TMEM9: variants seen among roughly 807,000 people sequenced by gnomAD.
TMEM9 encodes proton-transporting V-type ATPase complex assembly regulator TMEM9.
In TMEM9, 13 loss-of-function variants were observed where a neutral mutation model predicts 22.8. That is an observed-to-expected ratio of 0.57 (90% CI 0.37 to 0.91). The LOEUF is 0.91. Among genes scored for constraint, TMEM9 ranks in the 40% least tolerant of loss-of-function variants. TMEM9 has a pLI of 0.01. For missense variants in TMEM9, 182 were observed against 238.1 expected (o/e 0.76, Z 1.55); for synonymous variants, 88 against 93.0 (o/e 0.95, Z 0.31).
At chr1:201,154,480 T>TCCCCGCCCTCTCC (rs1166148111), upstream of TMEM9, 1 of 155,414 alleles carries the variant, frequency 6.4e-6, no homozygotes, top group Non-Finnish European at 1.4e-5. Context: ...GACCCAGTTG[T>TCCCCGCCCTCTCC]CCCCGCCCTC....
rs1428945437 is a variant in TMEM9, at chr1:201,151,869, AT to A, written c.67-18del. The A allele has an allele frequency of 1.2e-6, 2 of 1,604,116 alleles. No homozygotes were observed. The highest frequency in any genetic ancestry group is 1.7e-6 in the Non-Finnish European group (2 of 1,172,246). On this transcript the variant is annotated intron_variant, in intron 1 of 4. Transcript: ENST00000367330. The stretch of plus-strand genomic sequence containing the variant: ...TTCAGAACTCTGGAAAAGAAAGCAC[AT>A]GTCAAGTATGCAGAGACCCTGCCTG...
intron 1 of TMEM9, among the ~76,000 whole-genome samples, chr1:201,163,581 T>C (rs969551889): frequency 7.9e-5 from 12 of 151,864 alleles, no homozygotes; most frequent in Non-Finnish European, 1.6e-4. Flanking sequence ...CGGAGTGAGA[T>C]TACGTCTCAA....
At chr1:201,147,411 A>C (rs1665066893) in intron 2 of TMEM9, among the ~76,000 whole-genome samples, 1 of 152,170 alleles carries the variant, frequency 6.6e-6, no homozygotes, top group Non-Finnish European at 1.5e-5. Context: ...CAAACCCTGG[A>C]AATCATCTTT....
At chr1:201,137,135 C>T (rs1240986416) in intron 4 of TMEM9, among the ~76,000 whole-genome samples, 1 of 152,250 alleles carries the variant, frequency 6.6e-6, no homozygotes, top group East Asian at 1.9e-4. Flanking sequence ...CTTCCTGTGC[C>T]AGGCTAGGTG....
chr1:201,151,406 T>A lies in TMEM9; in HGVS notation c.158+355A>T, dbSNP rs113469909. On this transcript the variant is annotated intron_variant, in intron 2 of 4. Transcript: ENST00000367330. ...TAAGACTGGCACAGAATAACACATG[T>A]AACACAGCTTTGCAAAAGCATTAGG... Among the ~76,000 whole-genome samples, 576 of 152,344 alleles carry A rather than the reference T, an allele frequency of 3.8e-3. 6 individuals are homozygous for A. The highest frequency in any genetic ancestry group is 0.013 in the African/African-American group (556 of 41,572).
chr1:201,169,570 G>T (rs1459806944), intron 1 of TMEM9, among the ~76,000 whole-genome samples: 1 of 152,164 alleles, frequency 6.6e-6, no homozygotes, highest in African/African-American at 2.4e-5. Flanking sequence ...GTAGGAAATG[G>T]AACATTGTCC....
rs113872228 is a variant in TMEM9 at position 201,152,082 on chromosome 1, A to G, written c.67-230T>C. Among the ~76,000 whole-genome samples the G allele has an allele frequency of 3.8e-3, 577 of 152,236 alleles. 6 individuals are homozygous for G. Among genetic ancestry groups the G allele is most frequent in the African/African-American group, 0.013 (557 of 41,544 alleles). On this transcript the variant is annotated intron_variant, in intron 1 of 4. Coordinates refer to ENST00000367330, the MANE Select transcript of TMEM9 (RefSeq NM_001288565.2). ...GAAAAATGTCCAGATGGCAAATGAG[A>G]CTCACAGAAAGTTGTCTAGGCCTGC...
In TMEM9 at chr1:201,135,687, G is replaced by A. The variant is rs770508952; in HGVS notation, c.528C>T (p.Phe176=). 4.0e-5 allele frequency: 65 copies of A among 1,613,062 alleles called. No homozygotes were observed. The highest frequency in any genetic ancestry group is 3.3e-4 in the Middle Eastern group (2 of 6,078). The change falls in exon 5 of 5, where the codon TTC becomes TTT. Residue 176 remains phenylalanine, a synonymous_variant. Transcript: ENST00000367330. ...TCTAGCTGAGCATCTTGTGCCGATC[G>A]AAGACTGTCTTCCGCTGCTCCTGCA... ...LQVQEQRKTV[F]DRHKMLS
chr1:201,137,582 C>T (rs1413985356), intron 4 of TMEM9, among the ~76,000 whole-genome samples: 1 of 151,790 alleles, frequency 6.6e-6, no homozygotes, highest in Admixed American at 6.6e-5. Flanking sequence ...TGCTCTGTTC[C>T]ATTCCATTTT....
intron 2 of TMEM9, 29 bp from the exon 3 acceptor site, chr1:201,146,877 G>C: frequency 6.2e-7 from 1 of 1,607,832 alleles, no homozygotes; most frequent in Non-Finnish European, 8.5e-7. Flanking sequence ...GGGCTGTCGA[G>C]GCAGGGCCAC....
chr1:201,151,826 G>A lies in TMEM9; in HGVS notation c.93C>T (p.Cys31=), dbSNP rs1333086982. 6.2e-7 allele frequency: 1 copy of A among 1,613,772 alleles called. No individual in the cohort carries two copies. Among genetic ancestry groups the A allele is most frequent in the Admixed American group, 1.7e-5 (1 of 60,022 alleles). ...TGATGTTTCTATAAGGTGGACAGAT[G>A]CATTTGCACCGGATATCTTCAGAAC... ...NKSSEDIRCK[C]ICPPYRNISG... The change falls in exon 2 of 5, where the codon TGC becomes TGT. Residue 31 remains cysteine (C), a synonymous_variant. Coordinates refer to ENST00000367330, the MANE Select transcript of TMEM9 (RefSeq NM_001288565.2).
chr1:201,161,958 G>A (rs1041703067), intron 1 of TMEM9, among the ~76,000 whole-genome samples: 1 of 152,118 alleles, frequency 6.6e-6, no homozygotes, highest in African/African-American at 2.4e-5. Context: ...TAGATAAGGG[G>A]CATTTTTGCT....
chr1:201,146,489 T>C, intron 3 of TMEM9: 1 of 580,468 alleles, frequency 1.7e-6, no homozygotes, highest in East Asian at 2.9e-5. Flanking sequence ...GAAAAAGGAG[T>C]CTCCAGCAGC....
intron 1 of TMEM9, among the ~76,000 whole-genome samples, chr1:201,168,552 C>T (rs1666135744): frequency 6.6e-6 from 1 of 152,140 alleles, no homozygotes; most frequent in Non-Finnish European, 1.5e-5. Flanking sequence ...AACCCCGTTT[C>T]TACTAAAAAT....
intron 1 of TMEM9, among the ~76,000 whole-genome samples, chr1:201,165,918 C>T (rs114271432): frequency 0.013 from 1,996 of 152,254 alleles, 46 homozygotes; most frequent in African/African-American, 0.044. Flanking sequence ...AAAGCAGATA[C>T]GCTGTAAGTC....
upstream of TMEM9, among the ~76,000 whole-genome samples, chr1:201,158,838 G>T (rs967458114): frequency 6.6e-6 from 1 of 152,142 alleles, no homozygotes; most frequent in African/African-American, 2.4e-5. Flanking sequence ...CCTAAAATCA[G>T]TTTGACTTTA....
chr1:201,135,074 C>T lies in TMEM9; in HGVS notation c.*589G>A, dbSNP rs180701068. ...TCCATGCCCCAGTGCGAGAAGTGCACAGGGGACAGCGAACACCAGCTTCCA... is the reference window on the plus strand; with the variant it reads ...TCCATGCCCCAGTGCGAGAAGTGCATAGGGGACAGCGAACACCAGCTTCCA... On this transcript the variant is annotated 3_prime_UTR_variant, in exon 5 of 5. Coordinates refer to ENST00000367330, the MANE Select transcript of TMEM9 (RefSeq NM_001288565.2). 3 of 152,986 alleles carry T rather than the reference C, an allele frequency of 2.0e-5. No individual in the cohort carries two copies. The East Asian group carries it at 5.8e-4, about 29-fold the overall frequency. The allele number at this position is 152,986 out of a possible 1,614,324, so 9.5% of individuals were successfully genotyped here. A position where few individuals can be genotyped will look rare whatever the true frequency, so the allele number is the denominator to read the frequency against.
At chr1:201,155,857 T>G (rs1665776658), upstream of TMEM9, among the ~76,000 whole-genome samples, 5 of 152,198 alleles carry the variant, frequency 3.3e-5, no homozygotes, top group South Asian at 1.0e-3. Flanking sequence ...AGTTTACATA[T>G]GCAAAGCACC....
chr1:201,161,068 T>C (rs991758751), intron 1 of TMEM9, among the ~76,000 whole-genome samples: 1 of 152,260 alleles, frequency 6.6e-6, no homozygotes. Flanking sequence ...AAATTCATTG[T>C]ATGCATAAGC....
Sources: allele counts gnomAD v4.1 joint callset (sites outside exome capture counted in the v4.1 genomes callset), GRCh38; gene constraint gnomAD v4.1.1; transcripts MANE v1.5; gene names NCBI Gene and HGNC (gene_info 2026-07-23, HGNC 2026-07-21).